Variants in SOX5 observed in about 807,000 individuals in gnomAD.
SOX5 encodes transcription factor SOX-5.
Under a neutral mutation model 92.0 loss-of-function variants are expected in SOX5, and 9 were observed. The observed-to-expected ratio is 0.10, with a 90% CI of 0.06 to 0.17. The LOEUF (loss-of-function observed/expected upper bound fraction) is 0.17. Ranked by LOEUF, SOX5 falls within the 10% of genes least tolerant of loss-of-function variation. The probability of loss-of-function intolerance (pLI) is 1.00; values close to 1 mark genes in which losing one functional copy is unlikely to be tolerated. For missense variants in SOX5, 642 were observed against 944.5 expected (o/e 0.68, Z 4.20); for synonymous variants, 344 against 336.3 (o/e 1.02, Z -0.25).
intron 4 of SOX5, among the ~76,000 whole-genome samples, chr12:24,019,114 G>C (rs545103563): frequency 4.6e-5 from 7 of 152,230 alleles, no homozygotes; most frequent in African/African-American, 1.7e-4. Context: ...TGAGACTACA[G>C]CTGCATGCCA....
intron 11 of SOX5, among the ~76,000 whole-genome samples, chr12:23,558,839 G>C (rs1305224188): frequency 6.6e-6 from 1 of 152,178 alleles, no homozygotes; most frequent in Non-Finnish European, 1.5e-5. Context: ...CTGACCTCAG[G>C]TGATCCGCCT....
chr12:24,525,676 C>T (rs375094779), intron 1 of SOX5, among the ~76,000 whole-genome samples: 2 of 152,248 alleles, frequency 1.3e-5, no homozygotes. Flanking sequence ...TCCAGACCAT[C>T]CTGGCTAACG....
At chr12:23,788,302 G>T (rs148967111) in intron 3 of SOX5, among the ~76,000 whole-genome samples, 58 of 152,110 alleles carry the variant, frequency 3.8e-4, no homozygotes, top group African/African-American at 1.4e-3. Flanking sequence ...GTCCAGAGCT[G>T]TAAGAGAAAC....
chr12:23,971,121 C>CTTTTTT (rs71059953), intron 4 of SOX5, among the ~76,000 whole-genome samples: 15,929 of 84,842 alleles, frequency 0.19, 3,400 homozygotes, highest in East Asian at 0.35. Context: ...TGTCAGCTGA[C>CTTTTTT]TTTTTTTTTT....
chr12:24,057,139 A>G (rs1318703377), intron 4 of SOX5, among the ~76,000 whole-genome samples: 1 of 152,026 alleles, frequency 6.6e-6, no homozygotes, highest in Non-Finnish European at 1.5e-5. Flanking sequence ...CTAGTTTCAA[A>G]TAGATAAAAG....
chr12:23,746,847 G>T (rs75237014), intron 4 of SOX5, among the ~76,000 whole-genome samples: 1 of 151,948 alleles, frequency 6.6e-6, no homozygotes, highest in Admixed American at 6.6e-5. Context: ...CCGGTGGGAG[G>T]TAATTTAATC....
chr12:24,262,323 G>T (rs186423714), intron 3 of SOX5, among the ~76,000 whole-genome samples: 2 of 152,260 alleles, frequency 1.3e-5, no homozygotes. Flanking sequence ...TCATTAGAAG[G>T]CATTCAAAGA....
intron 2 of SOX5, among the ~76,000 whole-genome samples, chr12:23,858,152 T>C (rs918448014): frequency 7.9e-5 from 12 of 152,138 alleles, no homozygotes; most frequent in Admixed American, 3.3e-4. Flanking sequence ...TTTTACAATG[T>C]ATGTTACTTT....
chr12:24,062,117 A>G (rs1939844930), intron 4 of SOX5, among the ~76,000 whole-genome samples: 1 of 152,238 alleles, frequency 6.6e-6, no homozygotes, highest in African/African-American at 2.4e-5. Flanking sequence ...CTTAAGAGGC[A>G]GACTGACATC....
intron 6 of SOX5, among the ~76,000 whole-genome samples, chr12:23,669,980 G>A (rs1306678205): frequency 6.6e-6 from 1 of 152,078 alleles, no homozygotes; most frequent in African/African-American, 2.4e-5. Context: ...GAAAAGATCT[G>A]AAGGAAAAAG....
chr12:24,230,371 C>T (rs11047322), intron 3 of SOX5, among the ~76,000 whole-genome samples: 51,553 of 151,882 alleles, frequency 0.34, 9,063 homozygotes, highest in African/African-American at 0.38. Flanking sequence ...ACAAAGGAAC[C>T]AGCTATTTAC....
intron 4 of SOX5, among the ~76,000 whole-genome samples, chr12:24,207,049 C>A (rs2139621354): frequency 6.6e-6 from 1 of 152,308 alleles, no homozygotes; most frequent in Non-Finnish European, 1.5e-5. Context: ...CCAAAAACTT[C>A]TCAGTAGTCA....
At chr12:24,014,146 G>A (rs1953292543) in intron 4 of SOX5, among the ~76,000 whole-genome samples, 1 of 152,180 alleles carries the variant, frequency 6.6e-6, no homozygotes, top group Admixed American at 6.5e-5. Context: ...ATGAGGAGAT[G>A]AAGCATGGAT....
chr12:23,730,769 A>G (rs1249964973), intron 6 of SOX5, among the ~76,000 whole-genome samples: 1 of 152,218 alleles, frequency 6.6e-6, no homozygotes, highest in East Asian at 1.9e-4. Flanking sequence ...GGTTTACCAT[A>G]CAGCTAAACC....
At chr12:24,398,858 G>C (rs1960753452) in intron 1 of SOX5, among the ~76,000 whole-genome samples, 1 of 152,000 alleles carries the variant, frequency 6.6e-6, no homozygotes. Flanking sequence ...GCATACATGA[G>C]ATACCAGTGC....
intron 4 of SOX5, among the ~76,000 whole-genome samples, chr12:24,133,486 T>C (rs993651039): frequency 2.6e-5 from 4 of 151,798 alleles, no homozygotes; most frequent in Non-Finnish European, 5.9e-5. Flanking sequence ...CCAGGGGAGG[T>C]GGGTACAGTT....
intron 1 of SOX5, among the ~76,000 whole-genome samples, chr12:23,899,066 G>A (rs2137858813): frequency 6.6e-6 from 1 of 152,074 alleles, no homozygotes; most frequent in Non-Finnish European, 1.5e-5. Context: ...TTAAATTTTT[G>A]TCCATCTATC....
chr12:23,573,236 AC>A (rs1352467331), intron 10 of SOX5, among the ~76,000 whole-genome samples: 1 of 152,130 alleles, frequency 6.6e-6, no homozygotes, highest in Non-Finnish European at 1.5e-5. Flanking sequence ...GCCTTCTCAA[AC>A]TATTATCACT....
intron 4 of SOX5, among the ~76,000 whole-genome samples, chr12:24,171,214 T>G (rs1278786697): frequency 9.2e-5 from 3 of 32,654 alleles, no homozygotes; most frequent in Non-Finnish European, 1.8e-4. Flanking sequence ...AACAGTTTTT[T>G]TTGTTTGTTT....
Sources: allele counts gnomAD v4.1 joint callset (sites outside exome capture counted in the v4.1 genomes callset), GRCh38; gene constraint gnomAD v4.1.1; transcripts MANE v1.5; gene names NCBI Gene and HGNC (gene_info 2026-07-23, HGNC 2026-07-21).